The following ZCCHC24 variants were observed in gnomAD, a reference collection of about 807,000 sequenced individuals.
The protein encoded by ZCCHC24 is zinc finger CCHC domain-containing protein 24.
ZCCHC24 carries 10 observed loss-of-function variants against 26.2 expected under a neutral mutation model. That is an observed-to-expected ratio of 0.38 (90% CI 0.24 to 0.65). The LOEUF is 0.65. ZCCHC24 is among the 30% of genes least tolerant of loss of function. The probability of loss-of-function intolerance (pLI) is 0.54; values close to 1 mark genes in which losing one functional copy is unlikely to be tolerated. For missense variants in ZCCHC24, 243 were observed against 329.1 expected (o/e 0.74, Z 2.03); for synonymous variants, 144 against 147.1 (o/e 0.98, Z 0.15).
At position 79,445,467 on chromosome 10, in the gene ZCCHC24, C is replaced by G; in HGVS notation, c.-27G>C. The stretch of plus-strand genomic sequence containing the variant: ...TTGTGGCGGCGGTGCCGGCCCCTCC[C>G]CGGCCGCCCGCTCGCGGCCCCCCTC... On this transcript the variant is annotated 5_prime_UTR_variant, in exon 1 of 4. Transcript: ENST00000372336. 1 of 1,358,636 alleles carries G rather than the reference C, an allele frequency of 7.4e-7. No individual in the cohort carries two copies. Among genetic ancestry groups the G allele is most frequent in the Non-Finnish European group, 9.5e-7 (1 of 1,047,380 alleles). 84.2% of individuals were successfully genotyped at this position (1,358,636 alleles called of 1,614,324 possible).
intron 2 of ZCCHC24, among the ~76,000 whole-genome samples, chr10:79,408,683 G>C (rs1856751584): frequency 6.6e-6 from 1 of 152,172 alleles, no homozygotes; most frequent in South Asian, 2.1e-4. Context: ...AGGAGAATGG[G>C]GATCCCCTCT....
At chr10:79,403,748 G>A (rs1035700773) in intron 2 of ZCCHC24, among the ~76,000 whole-genome samples, 6 of 151,862 alleles carry the variant, frequency 4.0e-5, no homozygotes, top group African/African-American at 9.7e-5. Context: ...TCCCACCCCC[G>A]TTCCCAGCCC....
Position 79,394,265 on chromosome 10 carries a change from G to C in ZCCHC24, c.612+11C>G. 1 of 1,611,600 alleles carries C rather than the reference G, an allele frequency of 6.2e-7. No individual in the cohort carries two copies. The highest frequency in any genetic ancestry group is 1.1e-5 in the South Asian group (1 of 90,902). ...GGTCCTTCTGAGAAGGCCCCAGCCTGCCCGGCTCACCTGCTTGTGTGGATA... is the reference window on the plus strand; with the variant it reads ...GGTCCTTCTGAGAAGGCCCCAGCCTCCCCGGCTCACCTGCTTGTGTGGATA... On this transcript the variant is annotated intron_variant, in intron 3 of 3. Transcript: ENST00000372336.
intron 2 of ZCCHC24, among the ~76,000 whole-genome samples, chr10:79,421,877 C>G (rs1856942102): frequency 6.6e-6 from 1 of 152,130 alleles, no homozygotes; most frequent in African/African-American, 2.4e-5. Context: ...GATCTGCTCA[C>G]CTCGTCCTCC....
At chr10:79,411,259 G>A (rs1856787449) in intron 2 of ZCCHC24, among the ~76,000 whole-genome samples, 2 of 152,156 alleles carry the variant, frequency 1.3e-5, no homozygotes, top group Non-Finnish European at 2.9e-5. Context: ...GTAAAAAGAG[G>A]CCTTGACCTC....
At chr10:79,430,554 A>T (rs1857110461) in intron 2 of ZCCHC24, among the ~76,000 whole-genome samples, 1 of 152,050 alleles carries the variant, frequency 6.6e-6, no homozygotes, top group South Asian at 2.1e-4. Context: ...GATGATCTCT[A>T]TGAAGGAAGA....
intron 1 of ZCCHC24, among the ~76,000 whole-genome samples, chr10:79,439,376 G>A (rs1564642389): frequency 6.6e-6 from 1 of 152,152 alleles, no homozygotes; most frequent in Non-Finnish European, 1.5e-5. Context: ...AAAACAAAAG[G>A]TGAAGAGGCT....
rs1349224450 is a variant in ZCCHC24 at position 79,441,637 on chromosome 10, G to A, written c.246+3558C>T. 2.6e-5 allele frequency among the ~76,000 whole-genome samples: 4 copies of A among 152,140 alleles called. No individual in the cohort carries two copies. In the East Asian group the frequency reaches 7.7e-4, roughly 29 times the overall value. Reference sequence around the variant, plus strand: ...GGTTAACAGGTTTTGCACTGCAGGAGTTCTCAGGGCCTTTCCTGTGCTAGT... The same window carrying A: ...GGTTAACAGGTTTTGCACTGCAGGAATTCTCAGGGCCTTTCCTGTGCTAGT... On this transcript the variant is annotated intron_variant, in intron 1 of 3. Coordinates refer to ENST00000372336, the MANE Select transcript of ZCCHC24 (RefSeq NM_153367.4).
At chr10:79,397,577 A>G (rs1320540050) in intron 2 of ZCCHC24, among the ~76,000 whole-genome samples, 5 of 152,018 alleles carry the variant, frequency 3.3e-5, no homozygotes, top group Admixed American at 6.5e-5. Flanking sequence ...TCACTCCCCC[A>G]TGTCTCCCCA....
intron 2 of ZCCHC24, among the ~76,000 whole-genome samples, chr10:79,407,044 C>T (rs1329087372): frequency 6.6e-6 from 1 of 152,256 alleles, no homozygotes; most frequent in Non-Finnish European, 1.5e-5. Flanking sequence ...TCTCTGTCCC[C>T]TTGCCCCAGG....
Position 79,384,051 on chromosome 10 carries a change from T to C in ZCCHC24, c.*2294A>G, listed in dbSNP as rs908206946. 1.3e-5 allele frequency: 2 copies of C among 152,540 alleles called. No homozygotes were observed. Among genetic ancestry groups the C allele is most frequent in the African/African-American group, 2.4e-5 (1 of 41,370 alleles). 9.4% of individuals were successfully genotyped at this position (152,540 alleles called of 1,614,324 possible). ...AGGGGCTTTGCTGACCACAAGAGAG[T>C]TCCCCAGTTCAGCCAGAGCCGAGTC... is the stretch of plus-strand genomic sequence containing the variant. On this transcript the variant is annotated 3_prime_UTR_variant, in exon 4 of 4. Transcript: ENST00000372336.
At position 79,385,212 on chromosome 10, in the gene ZCCHC24, C is replaced by G. The variant is rs1329061634; in HGVS notation, c.*1133G>C. ...ACTCAGCATCCCTCAGCTTGACTTC[C>G]TAAGACACCAAGTGAAGGGTCACGA... On this transcript the variant is annotated 3_prime_UTR_variant, in exon 4 of 4. Coordinates refer to ENST00000372336, the MANE Select transcript of ZCCHC24 (RefSeq NM_153367.4). This position sits in a 1 kb window ranked among gnomAD's most constrained non-coding sequence, Gnocchi z 4.3. 2 of 152,176 alleles carry G rather than the reference C, an allele frequency of 1.3e-5. No homozygotes were observed. Among genetic ancestry groups the G allele is most frequent in the Non-Finnish European group, 2.9e-5 (2 of 68,002 alleles). 9.4% of individuals were successfully genotyped at this position (152,176 alleles called of 1,614,324 possible).
intron 2 of ZCCHC24, among the ~76,000 whole-genome samples, chr10:79,413,121 T>A (rs1856813513): frequency 6.6e-6 from 1 of 152,346 alleles, no homozygotes; most frequent in South Asian, 2.1e-4. Context: ...CAAAATGGGT[T>A]CAGTGCTGAG....
intron 2 of ZCCHC24, among the ~76,000 whole-genome samples, chr10:79,428,613 T>C (rs1259458050): frequency 6.6e-6 from 1 of 152,104 alleles, no homozygotes; most frequent in African/African-American, 2.4e-5. Context: ...ATTTTAAATA[T>C]AATTTAAAAG....
Position 79,389,528 on chromosome 10 carries a change from T to TTGTGTG in ZCCHC24, c.613-3071_613-3070insCACACA, listed in dbSNP as rs1564631249. Among the ~76,000 whole-genome samples, 3 of 65,200 alleles carry TTGTGTG rather than the reference T, an allele frequency of 4.6e-5. No homozygotes were observed. The East Asian group carries it at 1.8e-3, about 39-fold the overall frequency. The allele number at this position is 65,200 out of a possible 152,430, so 42.8% of individuals were successfully genotyped here. ...TTAATAACATTCACTGACTTTTTCCTAGTGTGTGTGTGTGTGTGTGTGTGT... is the reference window on the plus strand; with the variant it reads ...TTAATAACATTCACTGACTTTTTCCTTGTGTGAGTGTGTGTGTGTGTGTGTGTGTGT... On this transcript the variant is annotated intron_variant, in intron 3 of 3. Transcript: ENST00000372336.
At chr10:79,438,698 A>C (rs943079015) in intron 1 of ZCCHC24, among the ~76,000 whole-genome samples, 8 of 152,216 alleles carry the variant, frequency 5.3e-5, no homozygotes, top group Non-Finnish European at 1.2e-4. Flanking sequence ...TTAAATCACA[A>C]GTCTAGGTTA....
intron 2 of ZCCHC24, among the ~76,000 whole-genome samples, chr10:79,428,410 AAATTTC>A: frequency 3.1e-5 from 1 of 32,472 alleles, no homozygotes; most frequent in East Asian, 4.1e-4. Context: ...TTTGCAAGAT[AAATTTC>A]AGTTTTGCAA....
chr10:79,414,664 G>T (rs922266076), intron 2 of ZCCHC24, among the ~76,000 whole-genome samples: 3 of 152,172 alleles, frequency 2.0e-5, no homozygotes, highest in African/African-American at 7.2e-5. Context: ...CACCACAGCT[G>T]CCAGAGCACC....
chr10:79,387,539 T>C lies in ZCCHC24; in HGVS notation c.613-1081A>G, dbSNP rs542596334. On this transcript the variant is annotated intron_variant, in intron 3 of 3. Coordinates refer to ENST00000372336, the MANE Select transcript of ZCCHC24 (RefSeq NM_153367.4). ...ACGGGGATTCTGCCTTCTGTTCAGC[T>C]GGAGCCCCTGCCTGCAGAAGGGTCC... Among the ~76,000 whole-genome samples the C allele has an allele frequency of 1.9e-3, 289 of 152,324 alleles. 2 individuals carry two copies. Among genetic ancestry groups the C allele is most frequent in the African/African-American group, 6.6e-3 (275 of 41,578 alleles).
Sources: gnomAD v4.1 joint callset for allele counts (sites outside exome capture counted in the v4.1 genomes callset) on GRCh38, gnomAD v4.1.1 for gene constraint, Gnocchi (gnomAD v3.1) non-coding constraint, MANE v1.5 for transcripts, NCBI Gene and HGNC (gene_info 2026-07-23, HGNC 2026-07-21) for gene names.